Variants in DYNC2I1 observed in about 807,000 individuals in gnomAD.
DYNC2I1 encodes the protein cytoplasmic dynein 2 intermediate chain 1.
DYNC2I1 carries 89 observed loss-of-function variants against 133.4 expected under a neutral mutation model. The ratio of observed to expected loss-of-function variants is 0.67; its 90% CI spans 0.56 to 0.80. The LOEUF (loss-of-function observed/expected upper bound fraction) is 0.80, where lower values mean the gene tolerates loss of function less well. DYNC2I1 is among the 30% of genes least tolerant of loss of function. The pLI is 0.00. For synonymous variants in DYNC2I1, 504 were observed against 484.3 expected (o/e 1.04, Z -0.54); for missense variants, 1,291 against 1,314.5 (o/e 0.98, Z 0.28).
At chr7:158,869,256 C>T (rs1288377908) in intron 1 of DYNC2I1, among the ~76,000 whole-genome samples, 2 of 152,070 alleles carry the variant, frequency 1.3e-5, no homozygotes, top group Non-Finnish European at 2.9e-5. Flanking sequence ...GTGAGGGACC[C>T]TCTGGGCCCG....
Position 158,923,623 on chromosome 7 carries a change from C to T in DYNC2I1, c.2147C>T (p.Thr716Ile). 6.2e-7 allele frequency: 1 copy of T among 1,614,008 alleles called. No homozygotes were observed. The highest frequency in any genetic ancestry group is 8.5e-7 in the Non-Finnish European group (1 of 1,179,900). ...PLKAFLLFAG[T>I]AHGSVVVWDL... ...AAAGCATTTTTACTGTTTGCCGGAA[C>T]AGCGCACGGCTCAGTTGTCGTCTGG... is the stretch of plus-strand genomic sequence containing the variant. Residue 716 changes from threonine (T) to isoleucine (I), a missense_variant, in exon 17 of 25, where the codon ACA (threonine) becomes ATA (isoleucine). Thr to Ile is a moderately conservative substitution (Grantham distance 89). Transcript: ENST00000407559.
At chr7:158,918,612 A>G (rs1168744437) in intron 14 of DYNC2I1, 128 bp from the exon 15 acceptor site, 1 of 1,041,226 alleles carries the variant, frequency 9.6e-7, no homozygotes. Context: ...TTTTTCTTGT[A>G]GTTATGATAG....
At chr7:158,911,825 C>G in intron 12 of DYNC2I1, 146 bp downstream of exon 12, 5 of 1,105,596 alleles carry the variant, frequency 4.5e-6, no homozygotes, top group Non-Finnish European at 6.3e-6. Flanking sequence ...GGGGACCCAT[C>G]TTCACATGGG....
chr7:158,944,537 G>A (rs910822377), intron 24 of DYNC2I1, among the ~76,000 whole-genome samples: 1 of 152,182 alleles, frequency 6.6e-6, no homozygotes, highest in East Asian at 1.9e-4. Flanking sequence ...GTATCCGCTG[G>A]TGAAAATCCG....
At chr7:158,860,844 C>T (rs1841809705) in intron 1 of DYNC2I1, among the ~76,000 whole-genome samples, 1 of 152,136 alleles carries the variant, frequency 6.6e-6, no homozygotes, top group African/African-American at 2.4e-5. Context: ...TGTTTAGGTA[C>T]AGTGCAATGC....
chr7:158,913,517 G>C (rs749106162), intron 13 of DYNC2I1, among the ~76,000 whole-genome samples: 1 of 152,184 alleles, frequency 6.6e-6, no homozygotes, highest in Non-Finnish European at 1.5e-5. Flanking sequence ...TATATCGAAG[G>C]TCCCTAGAAT....
intron 11 of DYNC2I1, among the ~76,000 whole-genome samples, chr7:158,906,862 T>G (rs970755484): frequency 6.6e-6 from 1 of 152,126 alleles, no homozygotes; most frequent in Non-Finnish European, 1.5e-5. Context: ...AATGAAAAAA[T>G]CAATCATTAA....
intron 1 of DYNC2I1, 59 bp downstream of exon 1, chr7:158,856,809 G>T: frequency 8.1e-7 from 1 of 1,229,094 alleles, no homozygotes; most frequent in Non-Finnish European, 1.0e-6. Flanking sequence ...TCCTTCGGGC[G>T]CCGCTAGCAG....
intron 24 of DYNC2I1, among the ~76,000 whole-genome samples, chr7:158,944,679 A>AT (rs945303712): frequency 6.6e-6 from 1 of 151,932 alleles, no homozygotes; most frequent in Non-Finnish European, 1.5e-5. Context: ...GTTGGATGTG[A>AT]TTTTCACCCC....
At chr7:158,890,991 C>T (rs1347034440) in intron 7 of DYNC2I1, among the ~76,000 whole-genome samples, 2 of 152,372 alleles carry the variant, frequency 1.3e-5, no homozygotes, top group East Asian at 3.9e-4. Flanking sequence ...CTTTTATCCA[C>T]TCCTCTCACT....
the DYNC2I1 span, among the ~76,000 whole-genome samples, chr7:158,840,755 C>T: frequency 6.6e-6 from 1 of 152,270 alleles, no homozygotes; most frequent in East Asian, 1.9e-4. Flanking sequence ...GCTGGGCTGA[C>T]CCTCCAGAGA....
intron 6 of DYNC2I1, among the ~76,000 whole-genome samples, chr7:158,885,138 C>G (rs1252013274): frequency 3.9e-5 from 6 of 152,140 alleles, no homozygotes; most frequent in African/African-American, 1.4e-4. Context: ...CCTCTGCCCA[C>G]TGTTTATCAC....
chr7:158,852,646 G>A (rs766409327), upstream of DYNC2I1, among the ~76,000 whole-genome samples: 19 of 152,124 alleles, frequency 1.2e-4, no homozygotes, highest in Non-Finnish European at 2.2e-4. Context: ...GGCTGAGGCA[G>A]GAGAATTGCT....
intron 3 of DYNC2I1, among the ~76,000 whole-genome samples, chr7:158,873,404 C>T (rs898987421): frequency 6.6e-6 from 1 of 152,162 alleles, no homozygotes; most frequent in Non-Finnish European, 1.5e-5. Flanking sequence ...CTTATAGACA[C>T]GGTGATCTGT....
chr7:158,862,829 C>T (rs1198616178), intron 1 of DYNC2I1, among the ~76,000 whole-genome samples: 1 of 151,950 alleles, frequency 6.6e-6, no homozygotes, highest in Non-Finnish European at 1.5e-5. Context: ...GGAGTTTCTT[C>T]CTTCTGGTGG....
At chr7:158,882,320 A>G (rs1844117432) in intron 5 of DYNC2I1, among the ~76,000 whole-genome samples, 1 of 152,216 alleles carries the variant, frequency 6.6e-6, no homozygotes, top group Admixed American at 6.5e-5. Flanking sequence ...GTGGTGGCTT[A>G]CACCTGGAGT....
intron 14 of DYNC2I1, among the ~76,000 whole-genome samples, chr7:158,914,548 G>A (rs2129485202): frequency 6.6e-6 from 1 of 152,310 alleles, no homozygotes; most frequent in African/African-American, 2.4e-5. Flanking sequence ...AGTACTATGT[G>A]TGTATTTGGA....
Position 158,902,467 on chromosome 7 carries a change from T to C in DYNC2I1, c.1229T>C (p.Leu410Pro). ...ESREKLEELP[L>P]AQKKEIQEIQ... ...AGAGAAAAACTGGAAGAACTTCCTCTAGCTCAAAAAAAGGAAATACAAGAA... is the reference window on the plus strand; with the variant it reads ...AGAGAAAAACTGGAAGAACTTCCTCCAGCTCAAAAAAAGGAAATACAAGAA... The change falls in exon 10 of 25, where the codon CTA becomes CCA. Residue 410 changes from leucine (L) to proline (P), a missense_variant. Transcript: ENST00000407559. 6.2e-7 allele frequency: 1 copy of C among 1,613,956 alleles called. No homozygotes were observed. The highest frequency in any genetic ancestry group is 8.5e-7 in the Non-Finnish European group (1 of 1,179,860).
intron 7 of DYNC2I1, 135 bp from the exon 8 acceptor site, chr7:158,891,130 T>G: frequency 1.1e-6 from 1 of 886,874 alleles, no homozygotes; most frequent in Non-Finnish European, 1.8e-6. Context: ...TCCCAGAGCG[T>G]TAGTTTCGTA....
Sources: gnomAD v4.1 joint callset for allele counts (sites outside exome capture counted in the v4.1 genomes callset) on GRCh38, gnomAD v4.1.1 for gene constraint, MANE v1.5 for transcripts, NCBI Gene and HGNC (gene_info 2026-07-23, HGNC 2026-07-21) for gene names.